The following CROCC variants were observed in gnomAD, a reference collection of about 807,000 sequenced individuals.
CROCC encodes the protein ciliary rootlet coiled-coil, rootletin.
A neutral mutation model predicts 245.2 loss-of-function variants in CROCC; 180 were observed. The observed-to-expected ratio is 0.73, with a 90% CI of 0.65 to 0.83. The LOEUF (loss-of-function observed/expected upper bound fraction) is 0.83, where lower values mean the gene tolerates loss of function less well. Ranked by LOEUF, CROCC falls within the 40% of genes least tolerant of loss-of-function variation. The pLI, the probability that CROCC is intolerant of heterozygous loss-of-function variation, is 0.00. For missense variants in CROCC, 2,688 were observed against 2,779.4 expected, an observed-to-expected ratio of 0.97 and a Z score of 0.74; for synonymous variants, 1,205 against 1,241.6, an observed-to-expected ratio of 0.97 and a Z score of 0.62.
chr1:16,946,334 C>G lies in CROCC; in HGVS notation c.2212C>G (p.Leu738Val). Residue 738 changes from leucine (L) to valine (V), a missense_variant, in exon 16 of 37, where the codon CTG (leucine) becomes GTG (valine). By Grantham distance (32) the Leu-to-Val change is conservative. Coordinates refer to ENST00000375541, the MANE Select transcript of CROCC (RefSeq NM_014675.5). Reference sequence around the variant, plus strand: ...AGAGGAGGCCTCCCTGCAGGACTCCCTGTCCAAGCTGAGCGCCCTCAACGA... The same window carrying G: ...AGAGGAGGCCTCCCTGCAGGACTCCGTGTCCAAGCTGAGCGCCCTCAACGA... ...RAEEASLQDS[L>V]SKLSALNESL... 6.2e-7 allele frequency: 1 copy of G among 1,613,500 alleles called. No homozygotes were observed. Among genetic ancestry groups the G allele is most frequent in the Non-Finnish European group, 8.5e-7 (1 of 1,179,998 alleles).
chr1:16,947,592 G>A (rs1464927259), intron 17 of CROCC, among the ~76,000 whole-genome samples: 1 of 152,206 alleles, frequency 6.6e-6, no homozygotes, highest in Admixed American at 6.5e-5. Flanking sequence ...AATGTTTCAG[G>A]GATCCAGGGA....
intron 19 of CROCC, among the ~76,000 whole-genome samples, 166 bp downstream of exon 19, chr1:16,949,092 C>T (rs1204356985): frequency 9.9e-5 from 15 of 152,274 alleles, no homozygotes; most frequent in South Asian, 6.2e-4. Flanking sequence ...TGAGCAAGCC[C>T]CTTTCCTCTC....
chr1:16,918,356 C>T (rs535370444), upstream of CROCC, among the ~76,000 whole-genome samples: 27 of 142,498 alleles, frequency 1.9e-4, no homozygotes, highest in African/African-American at 6.0e-4. Flanking sequence ...GACACATACA[C>T]GAGGTTCAGA....
chr1:16,938,684 G>A (rs1482498737), intron 11 of CROCC, among the ~76,000 whole-genome samples: 23 of 152,278 alleles, frequency 1.5e-4, no homozygotes, highest in African/African-American at 5.3e-4. Context: ...CGACCCTTTG[G>A]GAGCCCACCT....
Position 16,930,494 on chromosome 1 carries a change from A to T in CROCC, c.749A>T (p.Asn250Ile). The part of the protein sequence containing the change: ...REQLDQAGSA[N>I]QALSEDIRKV... ...CAGCTGGACCAGGCAGGCTCGGCCA[A>T]CCAGGCTCTGAGTGAGGACATACGA... Residue 250 changes from asparagine to isoleucine, a missense_variant, in exon 7 of 37, where the codon AAC becomes ATC. Physicochemically the swap from Asn to Ile is moderately radical, Grantham distance 149 (BLOSUM62 -3). Coordinates refer to ENST00000375541, the MANE Select transcript of CROCC (RefSeq NM_014675.5). 1 of 1,612,436 alleles carries T rather than the reference A, an allele frequency of 6.2e-7. No homozygotes were observed. The highest frequency in any genetic ancestry group is 8.5e-7 in the Non-Finnish European group (1 of 1,179,852).
intron 3 of CROCC, among the ~76,000 whole-genome samples, chr1:16,924,716 T>C (rs1252193248): frequency 6.6e-6 from 1 of 152,244 alleles, no homozygotes; most frequent in African/African-American, 2.4e-5. Context: ...AAGGAGATAA[T>C]AGAATAAAGT....
intron 23 of CROCC, 93 bp from the exon 24 acceptor site, chr1:16,955,219 C>A: frequency 8.0e-7 from 1 of 1,246,374 alleles, no homozygotes; most frequent in Non-Finnish European, 1.1e-6. Flanking sequence ...AGGGATGGGG[C>A]AGGCTCCCTG....
At position 16,955,434 on chromosome 1, in the gene CROCC, G is replaced by A. The variant is rs767523249; in HGVS notation, c.3588G>A (p.Gln1196=). Residue 1196 remains glutamine (Q), a synonymous_variant, in exon 24 of 37, where the codon CAG becomes CAA. Transcript: ENST00000375541. ...AGGAGGGCCGGGAGGTGCAGCGCCAGGAGGCAGGCGAGCTGCGACGCAGCC... is the reference window on the plus strand; with the variant it reads ...AGGAGGGCCGGGAGGTGCAGCGCCAAGAGGCAGGCGAGCTGCGACGCAGCC... ...ESQEGREVQR[Q]EAGELRRSLG... 2.5e-6 allele frequency: 4 copies of A among 1,599,252 alleles called. No individual in the cohort carries two copies. The South Asian group carries it at 3.3e-5, about 13-fold the overall frequency.
At chr1:16,919,973 C>T (rs1193421207), upstream of CROCC, among the ~76,000 whole-genome samples, 3 of 152,270 alleles carry the variant, frequency 2.0e-5, no homozygotes, top group Non-Finnish European at 4.4e-5. Context: ...CTCACTGCAA[C>T]CTCCTCCTCC....
intron 11 of CROCC, 82 bp from the exon 12 acceptor site, chr1:16,938,827 G>C: frequency 1.2e-5 from 17 of 1,362,782 alleles, no homozygotes; most frequent in Non-Finnish European, 1.7e-5. Context: ...GCAGCCCCCA[G>C]CCTCACCTGG....
At chr1:16,928,195 G>A (rs1375307420) in intron 3 of CROCC, among the ~76,000 whole-genome samples, 3 of 152,286 alleles carry the variant, frequency 2.0e-5, no homozygotes, top group Non-Finnish European at 4.4e-5. Context: ...GATGCAGATG[G>A]TGAGTGCAGG....
chr1:16,936,567 C>A, intron 8 of CROCC, 70 bp from the exon 9 acceptor site: 1 of 1,438,616 alleles, frequency 7.0e-7, no homozygotes, highest in East Asian at 2.4e-5. Context: ...CCACGCCCTG[C>A]CCAAGCATAG....
At position 16,946,283 on chromosome 1, in the gene CROCC, G is replaced by A. The variant is rs548244433; in HGVS notation, c.2161G>A (p.Glu721Lys). 3.5e-5 allele frequency: 57 copies of A among 1,613,290 alleles called. No individual in the cohort carries two copies. The highest frequency in any genetic ancestry group is 6.7e-5 in the Admixed American group (4 of 59,982). The change falls in exon 16 of 37, where the codon GAG becomes AAG. Residue 721 changes from glutamate (E) to lysine (K), a missense_variant. Transcript: ENST00000375541. ...GGCTGAGGCTGGCCGCGTGGAGCTC[G>A]AGCTCTCCATGACCAAGCTGAGGGC... The part of the protein sequence containing the change: ...TKAEAGRVEL[E>K]LSMTKLRAEE...
chr1:16,965,627 C>A, intron 27 of CROCC, 96 bp from the exon 28 acceptor site: 1 of 924,124 alleles, frequency 1.1e-6, no homozygotes, highest in Non-Finnish European at 1.7e-6. Flanking sequence ...GGGCTTGATT[C>A]TGAGGGCTGT....
intron 8 of CROCC, among the ~76,000 whole-genome samples, chr1:16,935,671 T>G (rs1279675088): frequency 6.6e-6 from 1 of 152,092 alleles, no homozygotes; most frequent in Non-Finnish European, 1.5e-5. Context: ...TGATCCGCCC[T>G]CCTCGGCCTC....
At chr1:16,926,518 C>T (rs556778603) in intron 3 of CROCC, among the ~76,000 whole-genome samples, 92 of 152,370 alleles carry the variant, frequency 6.0e-4, no homozygotes, top group Non-Finnish European at 9.7e-4. Context: ...TTGTTCTGAT[C>T]TTTCCAACCC....
intron 20 of CROCC, chr1:16,952,983 C>T (rs1007831105): frequency 1.6e-5 from 5 of 313,438 alleles, no homozygotes; most frequent in African/African-American, 6.3e-5. Flanking sequence ...TTCCCCTCTG[C>T]ACCCTGCATC....
At chr1:16,946,122 TCCA>T in intron 15 of CROCC, 134 bp from the exon 16 acceptor site, 1 of 1,003,142 alleles carries the variant, frequency 1.0e-6, no homozygotes, top group Non-Finnish European at 1.4e-6. Flanking sequence ...TTTTTTTTTT[TCCA>T]TCTCACACTG....
chr1:16,927,808 C>A (rs2075570093), intron 3 of CROCC, among the ~76,000 whole-genome samples: 1 of 152,294 alleles, frequency 6.6e-6, no homozygotes, highest in South Asian at 2.1e-4. Context: ...GGCCTGCAGC[C>A]GCCATCCAGG....
Sources: allele counts gnomAD v4.1 joint callset (sites outside exome capture counted in the v4.1 genomes callset), GRCh38; gene constraint gnomAD v4.1.1; transcripts MANE v1.5; gene names NCBI Gene and HGNC (gene_info 2026-07-23, HGNC 2026-07-21).